The following CDKL3 variants were observed in gnomAD, a reference collection of about 807,000 sequenced individuals.
The protein encoded by CDKL3 is cyclin dependent kinase like 3.
In CDKL3, 65 loss-of-function variants were observed where a neutral mutation model predicts 69.3. The observed-to-expected ratio is 0.94, with a 90% CI of 0.77 to 1.15. CDKL3 has a LOEUF of 1.15. Among genes scored for constraint, CDKL3 ranks in the 50% most tolerant of loss-of-function variants. The pLI is 0.00. For missense variants in CDKL3, 652 were observed against 689.2 expected, an observed-to-expected ratio of 0.95 and a Z score of 0.61; for synonymous variants, 202 against 221.6, an observed-to-expected ratio of 0.91 and a Z score of 0.79.
At chr5:134,365,788 C>T (rs573247025) in intron 2 of CDKL3, among the ~76,000 whole-genome samples, 1 of 152,252 alleles carries the variant, frequency 6.6e-6, no homozygotes, top group Non-Finnish European at 1.5e-5. Context: ...TCCACTTTGC[C>T]CTTTATCCTT....
At chr5:134,326,425 C>G (rs1414267567) in intron 4 of CDKL3, among the ~76,000 whole-genome samples, 3 of 151,932 alleles carry the variant, frequency 2.0e-5, no homozygotes, top group Non-Finnish European at 4.4e-5. Flanking sequence ...AGAAAAAGAG[C>G]TGTCCAATAG....
chr5:134,335,141 CTTTT>C (rs374206722), intron 4 of CDKL3, among the ~76,000 whole-genome samples: 12 of 136,052 alleles, frequency 8.8e-5, no homozygotes, highest in East Asian at 6.3e-4. Flanking sequence ...TCAACCTCTG[CTTTT>C]TTTTTTTTTT....
At chr5:134,327,703 A>T (rs1377269526) in intron 4 of CDKL3, among the ~76,000 whole-genome samples, 1 of 152,200 alleles carries the variant, frequency 6.6e-6, no homozygotes, top group East Asian at 1.9e-4. Flanking sequence ...GAGCACAGAA[A>T]CTACTCCTTC....
chr5:134,358,036 G>A (rs528568292), intron 3 of CDKL3, among the ~76,000 whole-genome samples: 16 of 152,288 alleles, frequency 1.1e-4, no homozygotes, highest in African/African-American at 3.8e-4. Flanking sequence ...CTATGATCAT[G>A]CTACTGCACT....
At chr5:134,324,851 T>C (rs1472172568) in intron 4 of CDKL3, among the ~76,000 whole-genome samples, 1 of 152,214 alleles carries the variant, frequency 6.6e-6, no homozygotes. Flanking sequence ...TAGTTAATAA[T>C]GTTCAATATT....
chr5:134,285,283 G>C (rs1291095040), downstream of CDKL3, among the ~76,000 whole-genome samples: 2 of 152,176 alleles, frequency 1.3e-5, no homozygotes, highest in Non-Finnish European at 2.9e-5. Flanking sequence ...CTCCATGAGG[G>C]CCCCACCCCT....
At chr5:134,307,144 T>A (rs1029267285) in intron 9 of CDKL3, among the ~76,000 whole-genome samples, 43 of 152,146 alleles carry the variant, frequency 2.8e-4, no homozygotes, top group African/African-American at 9.6e-4. Context: ...CAATAGTGAG[T>A]CCTTACCTAC....
At chr5:134,349,894 A>C (rs1269274543) in intron 4 of CDKL3, among the ~76,000 whole-genome samples, 1 of 152,174 alleles carries the variant, frequency 6.6e-6, no homozygotes, top group Non-Finnish European at 1.5e-5. Flanking sequence ...GGGATAAAAG[A>C]GATACCTAGG....
chr5:134,366,259 A>T, intron 2 of CDKL3, 100 bp downstream of exon 2: 1 of 762,130 alleles, frequency 1.3e-6, no homozygotes, highest in Non-Finnish European at 2.0e-6. Context: ...GTTTCTCCAT[A>T]ATATGAATCA....
intron 4 of CDKL3, among the ~76,000 whole-genome samples, chr5:134,325,412 G>C (rs565307839): frequency 6.6e-6 from 1 of 152,252 alleles, no homozygotes; most frequent in African/African-American, 2.4e-5. Context: ...TATTTCACAA[G>C]TTTTAAGAAT....
intron 4 of CDKL3, among the ~76,000 whole-genome samples, chr5:134,342,786 C>T (rs1750838771): frequency 6.6e-6 from 1 of 152,122 alleles, no homozygotes; most frequent in Non-Finnish European, 1.5e-5. Context: ...AATTGAGAAG[C>T]TGATCTTAAA....
At chr5:134,366,810 C>T (rs980168780) in intron 1 of CDKL3, among the ~76,000 whole-genome samples, 167 bp downstream of exon 1, 12 of 152,072 alleles carry the variant, frequency 7.9e-5, no homozygotes, top group Non-Finnish European at 1.5e-4. Flanking sequence ...GAGACTACCA[C>T]ACTATAAGTC....
intron 6 of CDKL3, among the ~76,000 whole-genome samples, chr5:134,315,586 G>A (rs887036230): frequency 4.6e-5 from 7 of 151,976 alleles, no homozygotes; most frequent in Admixed American, 3.9e-4. Flanking sequence ...CTCATGCCTT[G>A]GCCTCCCAAA....
chr5:134,298,871 C>CT (rs1008309414), intron 12 of CDKL3, among the ~76,000 whole-genome samples, 161 bp from the exon 13 acceptor site: 80 of 151,170 alleles, frequency 5.3e-4, no homozygotes, highest in African/African-American at 1.4e-3. Flanking sequence ...CAACTTCCAT[C>CT]TTTTTTTTTG....
At chr5:134,289,164 A>T (rs1272815081) in intron 8 of CDKL3, among the ~76,000 whole-genome samples, 3 of 60,362 alleles carry the variant, frequency 5.0e-5, no homozygotes, top group African/African-American at 3.6e-4. Flanking sequence ...CCTGTCTCAT[A>T]AAAAAAAAAA....
intron 3 of CDKL3, among the ~76,000 whole-genome samples, chr5:134,354,292 G>A (rs1285829144): frequency 1.3e-5 from 2 of 152,122 alleles, no homozygotes; most frequent in Admixed American, 6.5e-5. Context: ...ACAAAGAGAA[G>A]GCATTTAAAA....
chr5:134,321,362 ATTG>A (rs768216758), intron 5 of CDKL3, among the ~76,000 whole-genome samples: 1 of 151,962 alleles, frequency 6.6e-6, no homozygotes, highest in Non-Finnish European at 1.5e-5. Context: ...GCTGTCTATT[ATTG>A]TTTTCTTTAA....
rs1300538487 is a variant in CDKL3, at chr5:134,353,838, G to A, written c.361-3411C>T. ...CTCCCAAAGTGCTGGGATTACAGGC[G>A]TGAGCCACCGTGCCTAGCCTGATCA... On this transcript the variant is annotated intron_variant, in intron 3 of 12. Transcript: ENST00000265334. 2.0e-5 allele frequency among the ~76,000 whole-genome samples: 3 copies of A among 152,116 alleles called. No individual in the cohort carries two copies. The East Asian group carries it at 5.8e-4, about 29-fold the overall frequency.
At chr5:134,358,037 C>T (rs1282226612) in intron 3 of CDKL3, among the ~76,000 whole-genome samples, 2 of 152,184 alleles carry the variant, frequency 1.3e-5, no homozygotes, top group Non-Finnish European at 2.9e-5. Flanking sequence ...TATGATCATG[C>T]TACTGCACTC....
Sources: allele counts gnomAD v4.1 joint callset (sites outside exome capture counted in the v4.1 genomes callset), GRCh38; gene constraint gnomAD v4.1.1; transcripts MANE v1.5; gene names NCBI Gene and HGNC (gene_info 2026-07-23, HGNC 2026-07-21).